The following NALCN variants were observed in gnomAD, a reference collection of about 807,000 sequenced individuals.
The protein encoded by NALCN is sodium leak channel NALCN.
A neutral mutation model predicts 225.3 loss-of-function variants in NALCN; 111 were observed. The observed-to-expected ratio is 0.49, with a 90% CI of 0.42 to 0.58. NALCN has a LOEUF of 0.58. Ranked by LOEUF, NALCN falls within the 20% of genes least tolerant of loss-of-function variation. NALCN has a pLI of 0.00. For missense variants in NALCN, 1,378 were observed against 2,202.4 expected, an observed-to-expected ratio of 0.63 and a Z score of 7.49; for synonymous variants, 764 against 769.0, an observed-to-expected ratio of 0.99 and a Z score of 0.11.
intron 15 of NALCN, among the ~76,000 whole-genome samples, chr13:101,148,870 A>C (rs1008442137): frequency 6.6e-6 from 1 of 152,216 alleles, no homozygotes. Flanking sequence ...TGATTGAATA[A>C]ATTTGTTAGT....
chr13:101,219,501 C>T (rs2140103462), intron 13 of NALCN, among the ~76,000 whole-genome samples: 1 of 152,292 alleles, frequency 6.6e-6, no homozygotes, highest in East Asian at 1.9e-4. Context: ...TCACCTGTCT[C>T]ATGTGTGGGA....
intron 30 of NALCN, among the ~76,000 whole-genome samples, chr13:101,087,179 G>C (rs948547520): frequency 1.3e-5 from 2 of 151,958 alleles, no homozygotes; most frequent in African/African-American, 4.8e-5. Context: ...CTTTAAAGAG[G>C]TTTCCATTTT....
intron 2 of NALCN, among the ~76,000 whole-genome samples, chr13:101,397,932 T>C (rs1454187196): frequency 6.6e-6 from 1 of 152,008 alleles, no homozygotes; most frequent in African/African-American, 2.4e-5. Flanking sequence ...ATTTGACTCA[T>C]CAGAGGAGCT....
At chr13:101,244,519 A>C (rs1375694048) in intron 11 of NALCN, among the ~76,000 whole-genome samples, 1 of 152,214 alleles carries the variant, frequency 6.6e-6, no homozygotes, top group East Asian at 1.9e-4. Flanking sequence ...CTGATTCCAG[A>C]TTCTCTTGGA....
At chr13:101,196,564 T>C (rs1041634988) in intron 13 of NALCN, among the ~76,000 whole-genome samples, 1 of 152,208 alleles carries the variant, frequency 6.6e-6, no homozygotes, top group South Asian at 2.1e-4. Flanking sequence ...CTCATTAGCA[T>C]CCTTTTTCAA....
chr13:101,170,041 C>T (rs574024342), intron 15 of NALCN, among the ~76,000 whole-genome samples: 32 of 152,320 alleles, frequency 2.1e-4, no homozygotes, highest in African/African-American at 7.2e-4. Flanking sequence ...CTACCGCCCT[C>T]AATCTGGAAT....
At chr13:101,379,721 G>C (rs2046794963) in intron 3 of NALCN, among the ~76,000 whole-genome samples, 1 of 152,060 alleles carries the variant, frequency 6.6e-6, no homozygotes, top group African/African-American at 2.4e-5. Context: ...TCAAGAGGTG[G>C]GGGGCTAGGA....
At chr13:101,137,456 T>C (rs893671841) in intron 17 of NALCN, among the ~76,000 whole-genome samples, 1 of 152,132 alleles carries the variant, frequency 6.6e-6, no homozygotes, top group Non-Finnish European at 1.5e-5. Context: ...TAACTTGCTA[T>C]GTGAGGAGTT....
intron 15 of NALCN, among the ~76,000 whole-genome samples, chr13:101,174,864 C>G (rs2038893605): frequency 1.3e-5 from 2 of 152,134 alleles, no homozygotes; most frequent in African/African-American, 2.4e-5. Context: ...CATATCTGTG[C>G]ATAATAACCA....
At chr13:101,097,027 A>G (rs9557587) in intron 27 of NALCN, among the ~76,000 whole-genome samples, 74,397 of 152,066 alleles carry the variant, frequency 0.49, 20,261 homozygotes, top group Non-Finnish European at 0.61. Flanking sequence ...CCCAGCATCA[A>G]GCTTAGGGTT....
chr13:101,397,687 A>G (rs1210181237), intron 2 of NALCN, among the ~76,000 whole-genome samples: 4 of 151,652 alleles, frequency 2.6e-5, no homozygotes, highest in Non-Finnish European at 5.9e-5. Flanking sequence ...ATCCATAAAT[A>G]TATGTATATT....
intron 10 of NALCN, among the ~76,000 whole-genome samples, chr13:101,283,478 G>T (rs556424323): frequency 6.6e-6 from 1 of 152,208 alleles, no homozygotes; most frequent in African/African-American, 2.4e-5. Flanking sequence ...CCTTATGTTT[G>T]CTATCAGTGC....
At chr13:101,086,616 C>T (rs910788559) in intron 30 of NALCN, among the ~76,000 whole-genome samples, 1 of 151,962 alleles carries the variant, frequency 6.6e-6, no homozygotes, top group African/African-American at 2.4e-5. Context: ...TTAGAGTTTT[C>T]CTTATACATT....
intron 10 of NALCN, among the ~76,000 whole-genome samples, chr13:101,265,013 G>A (rs2042551973): frequency 6.6e-6 from 1 of 152,170 alleles, no homozygotes; most frequent in Non-Finnish European, 1.5e-5. Context: ...GTCTCCCAAA[G>A]CAATGCAGCC....
intron 7 of NALCN, among the ~76,000 whole-genome samples, chr13:101,343,835 T>A (rs1045644708): frequency 1.3e-5 from 2 of 152,210 alleles, no homozygotes; most frequent in Non-Finnish European, 2.9e-5. Flanking sequence ...TCAACTTGAA[T>A]ATAATGCTGC....
At chr13:101,138,736 CAGAG>C (rs1183513892) in intron 17 of NALCN, among the ~76,000 whole-genome samples, 1 of 152,228 alleles carries the variant, frequency 6.6e-6, no homozygotes, top group Non-Finnish European at 1.5e-5. Context: ...CTTCGGAGAA[CAGAG>C]CGGGCTGCTT....
chr13:101,369,513 T>G (rs2139395061), intron 6 of NALCN, among the ~76,000 whole-genome samples: 1 of 152,286 alleles, frequency 6.6e-6, no homozygotes, highest in South Asian at 2.1e-4. Context: ...TCTGCGATCA[T>G]TTATGTGCCA....
Position 101,167,635 on chromosome 13 carries a change from G to A in NALCN, c.1839+8665C>T, listed in dbSNP as rs113572847. ...GTGAGTCACTTGAGGTCAGGAGTTC[G>A]AGACCAGCCCTGGCCAACATGGTGA... On this transcript the variant is annotated intron_variant, in intron 15 of 43. Coordinates refer to ENST00000251127, the MANE Select transcript of NALCN (RefSeq NM_052867.4). Among the ~76,000 whole-genome samples the A allele has an allele frequency of 3.4e-3, 472 of 140,122 alleles. 3 individuals carry two copies. Among genetic ancestry groups the A allele is most frequent in the African/African-American group, 0.011 (444 of 40,356 alleles). The allele number at this position is 140,122 out of a possible 152,430, so 91.9% of individuals were successfully genotyped here. A position where few individuals can be genotyped will look rare whatever the true frequency, so the allele number is the denominator to read the frequency against.
At chr13:101,312,838 G>C (rs1338784191) in intron 7 of NALCN, among the ~76,000 whole-genome samples, 1 of 152,058 alleles carries the variant, frequency 6.6e-6, no homozygotes, top group African/African-American at 2.4e-5. Context: ...CTACTTTAAA[G>C]TTCATATGGA....
Sources: gnomAD v4.1 joint callset for allele counts (sites outside exome capture counted in the v4.1 genomes callset) on GRCh38, gnomAD v4.1.1 for gene constraint, MANE v1.5 for transcripts, NCBI Gene and HGNC (gene_info 2026-07-23, HGNC 2026-07-21) for gene names.